Variants in FGL1 observed in about 807,000 individuals in gnomAD.
FGL1 encodes the protein fibrinogen like 1.
Under a neutral mutation model 43.7 loss-of-function variants are expected in FGL1, and 59 were observed. The observed-to-expected ratio is 1.35, with a 90% confidence interval of 1.10 to 1.68. The LOEUF is 1.68. FGL1 is among the 40% of genes most tolerant of loss of function. The pLI is 0.00. For synonymous variants in FGL1, 192 were observed against 126.5 expected (o/e 1.52, Z -3.48); for missense variants, 596 against 373.0 (o/e 1.60, Z -4.92).
intron 1 of FGL1, among the ~76,000 whole-genome samples, chr8:17,893,764 A>G (rs1484880301): frequency 6.8e-6 from 1 of 147,314 alleles, no homozygotes; most frequent in Admixed American, 6.7e-5. Context: ...AATATTGAAG[A>G]AATGCTAAGC....
chr8:17,883,987 G>A (rs2053590577), intron 2 of FGL1, among the ~76,000 whole-genome samples: 1 of 137,104 alleles, frequency 7.3e-6, no homozygotes. Context: ...CCATCCCTAG[G>A]TCCAAGTCAC....
At chr8:17,869,169 C>T (rs768150864) in intron 5 of FGL1, among the ~76,000 whole-genome samples, 165 bp from the exon 6 acceptor site, 24 of 151,754 alleles carry the variant, frequency 1.6e-4, no homozygotes, top group Non-Finnish European at 3.1e-4. Flanking sequence ...ATAACATGAA[C>T]ATTTTATCGT....
rs774238519 is a variant in FGL1, at chr8:17,874,499, A to G, written c.267T>C (p.Asp89=). 1.9e-6 allele frequency: 3 copies of G among 1,606,420 alleles called. No individual in the cohort carries two copies. Among genetic ancestry groups the G allele is most frequent in the Non-Finnish European group, 2.5e-6 (3 of 1,176,684 alleles). The change falls in exon 4 of 8, where the codon GAT becomes GAC. Residue 89 remains aspartate, a synonymous_variant. Transcript: ENST00000427924. ...TGTAAAATCCACTGAGCTTATACCC[A>G]TCATTGAAAATCTCTGAACAATCTG... The part of the protein sequence containing the change: ...QYADCSEIFN[D]GYKLSGFYKI...
intron 7 of FGL1, among the ~76,000 whole-genome samples, chr8:17,866,370 G>T (rs2053269785): frequency 6.6e-6 from 1 of 152,038 alleles, no homozygotes; most frequent in South Asian, 2.1e-4. Flanking sequence ...TTTTATAGGT[G>T]GGTAATATTT....
chr8:17,868,819 A>G (rs1346778042), intron 6 of FGL1, 84 bp from the exon 7 acceptor site: 16 of 1,461,302 alleles, frequency 1.1e-5, no homozygotes, highest in Non-Finnish European at 1.4e-5. Context: ...ACAAAAGAAC[A>G]GGTTCTATTG....
Position 17,864,669 on chromosome 8 carries a change from A to G in FGL1, c.862T>C (p.Trp288Arg), listed in dbSNP as rs774660221. ...KTDNGIVWYT[W>R]HGWWYSLKSV... ...TTCAGAGAATACCACCACCCATGCCAGGTGTACCAGACAATCCCATTGTCT... is the reference window on the plus strand; with the variant it reads ...TTCAGAGAATACCACCACCCATGCCGGGTGTACCAGACAATCCCATTGTCT... Residue 288 changes from tryptophan (W) to arginine (R), a missense_variant, in exon 8 of 8, where the codon TGG becomes CGG. Transcript: ENST00000427924. 3 of 1,613,884 alleles carry G rather than the reference A, an allele frequency of 1.9e-6. No homozygotes were observed. The highest frequency in any genetic ancestry group is 3.3e-5 in the Admixed American group (2 of 59,914).
At chr8:17,886,318 G>A (rs1043136461) in intron 1 of FGL1, among the ~76,000 whole-genome samples, 1 of 152,168 alleles carries the variant, frequency 6.6e-6, no homozygotes, top group African/African-American at 2.4e-5. Flanking sequence ...TGGTTTGATT[G>A]AACACATGAA....
chr8:17,886,767 G>T (rs372844213), intron 1 of FGL1, among the ~76,000 whole-genome samples: 2 of 123,318 alleles, frequency 1.6e-5, no homozygotes, highest in Admixed American at 7.8e-5. Context: ...AGAAAGAAAC[G>T]AAATGAGAGG....
chr8:17,868,709 T>A lies in FGL1; in HGVS notation c.618A>T (p.Glu206Asp). 1.2e-6 allele frequency: 2 copies of A among 1,612,998 alleles called. No individual in the cohort carries two copies. Among genetic ancestry groups the A allele is most frequent in the South Asian group, 2.2e-5 (2 of 90,862 alleles). Residue 206 changes from glutamate (E) to aspartate (D), a missense_variant, in exon 7 of 8, where the codon GAA becomes GAT. Coordinates refer to ENST00000427924, the MANE Select transcript of FGL1 (RefSeq NM_004467.4). ...EKNFYELNIG[E>D]YSGTAGDSLA... ...GGGAATCTCCAGCTGTTCCAGAATA[T>A]TCCCCAATATTCAACTCGTAGAAAT...
chr8:17,865,673 A>G (rs568674928), intron 7 of FGL1, among the ~76,000 whole-genome samples: 1 of 152,350 alleles, frequency 6.6e-6, no homozygotes, highest in Non-Finnish European at 1.5e-5. Flanking sequence ...ATTTACATGT[A>G]ACAGTATGCA....
intron 1 of FGL1, among the ~76,000 whole-genome samples, chr8:17,886,984 A>G (rs1489508560): frequency 6.6e-6 from 1 of 152,168 alleles, no homozygotes; most frequent in Non-Finnish European, 1.5e-5. Flanking sequence ...CTGTGCAGCC[A>G]GGTGAATGCT....
At chr8:17,880,304 C>A (rs143053224) in intron 3 of FGL1, among the ~76,000 whole-genome samples, 1 of 152,188 alleles carries the variant, frequency 6.6e-6, no homozygotes, top group Non-Finnish European at 1.5e-5. Flanking sequence ...AAAAAGGGAG[C>A]ATTTTAAGAG....
intron 2 of FGL1, among the ~76,000 whole-genome samples, chr8:17,883,171 AATATATAAT>A (rs1463179388): frequency 1.4e-4 from 13 of 96,116 alleles, no homozygotes; most frequent in East Asian, 1.0e-3. Context: ...TATATTAAAT[AATATATAAT>A]ATATATCATA....
At chr8:17,895,340 T>C (rs563176928) in intron 1 of FGL1, 107 bp downstream of exon 1, 3 of 1,168,514 alleles carry the variant, frequency 2.6e-6, no homozygotes, top group East Asian at 1.3e-4. Flanking sequence ...CCTGACTTCT[T>C]GCAAAAGCTA....
At chr8:17,866,014 A>C (rs185843305) in intron 7 of FGL1, among the ~76,000 whole-genome samples, 1 of 152,352 alleles carries the variant, frequency 6.6e-6, no homozygotes, top group Non-Finnish European at 1.5e-5. Flanking sequence ...CAGCATGGAA[A>C]GTAATGTTAA....
At chr8:17,877,173 A>G (rs1386229512) in intron 3 of FGL1, among the ~76,000 whole-genome samples, 1 of 152,026 alleles carries the variant, frequency 6.6e-6, no homozygotes, top group East Asian at 1.9e-4. Context: ...GACCCACTCA[A>G]CTCCCTGGAG....
intron 4 of FGL1, 31 bp from the exon 5 acceptor site, chr8:17,874,147 G>T: frequency 6.4e-7 from 1 of 1,567,744 alleles, no homozygotes; most frequent in Non-Finnish European, 8.8e-7. Context: ...GCCGATTAGA[G>T]CAAACTCCAT....
In FGL1 at chr8:17,874,405, T is replaced by A. The variant is rs34239530; in HGVS notation, c.361A>T (p.Thr121Ser). 794 of 1,614,118 alleles carry A rather than the reference T, an allele frequency of 4.9e-4. 3 individuals are homozygous for A. In the African/African-American group the frequency reaches 8.7e-3, roughly 18 times the overall value. ...YCDMSDGGGW[T>S]VIQRRSDGSE... is the part of the protein sequence containing the mutation. ...CCATCAGATCGTCTCTGAATTACAG[T>A]CCATCCTCCTCCATCGGACATGTCA... The change falls in exon 4 of 8, where the codon ACT becomes TCT. Residue 121 changes from threonine to serine, a missense_variant. Transcript: ENST00000427924.
chr8:17,872,750 A>C (rs2053383202), intron 5 of FGL1, among the ~76,000 whole-genome samples: 1 of 152,230 alleles, frequency 6.6e-6, no homozygotes, highest in Non-Finnish European at 1.5e-5. Context: ...GGATTGGAGC[A>C]AAAGAACATG....
Sources: gnomAD v4.1 joint callset for allele counts (sites outside exome capture counted in the v4.1 genomes callset) on GRCh38, gnomAD v4.1.1 for gene constraint, MANE v1.5 for transcripts, NCBI Gene and HGNC (gene_info 2026-07-23, HGNC 2026-07-21) for gene names.